MYO3A: variants seen among roughly 807,000 people sequenced by gnomAD.
MYO3A encodes myosin-IIIa.
In MYO3A, 180 loss-of-function variants were observed where a neutral mutation model predicts 192.7. That is an observed-to-expected ratio of 0.93 (90% CI 0.83 to 1.06). The LOEUF (loss-of-function observed/expected upper bound fraction) is 1.06. Ranked by LOEUF, MYO3A falls within the 50% of genes least tolerant of loss-of-function variation. The pLI is 0.00. For missense variants in MYO3A, 1,896 were observed against 1,905.0 expected, an observed-to-expected ratio of 1.00 and a Z score of 0.09; for synonymous variants, 628 against 645.3, an observed-to-expected ratio of 0.97 and a Z score of 0.41.
chr10:26,096,498 C>G lies in MYO3A; in HGVS notation c.1661+19C>G, dbSNP rs369507777. 6.2e-7 allele frequency: 1 copy of G among 1,605,060 alleles called. No homozygotes were observed. Among genetic ancestry groups the G allele is most frequent in the African/African-American group, 1.3e-5 (1 of 74,782 alleles). On this transcript the variant is annotated intron_variant, in intron 16 of 34. Coordinates refer to ENST00000642920, the MANE Select transcript of MYO3A (RefSeq NM_017433.5). ...CTCCCAGGTAATCTACCAGGTTGAGCTTTCATCAATAATACTTTCACTTTT... is the reference window on the plus strand; with the variant it reads ...CTCCCAGGTAATCTACCAGGTTGAGGTTTCATCAATAATACTTTCACTTTT...
intron 4 of MYO3A, among the ~76,000 whole-genome samples, chr10:25,956,780 G>C (rs891462471): frequency 6.6e-6 from 1 of 151,670 alleles, no homozygotes; most frequent in Non-Finnish European, 1.5e-5. Flanking sequence ...ACATTTGCAG[G>C]TTTGTTATAT....
At chr10:26,187,201 T>G (rs978326437) in intron 31 of MYO3A, among the ~76,000 whole-genome samples, 40 of 152,040 alleles carry the variant, frequency 2.6e-4, no homozygotes, top group Non-Finnish European at 7.4e-5. Flanking sequence ...ACCTAAGTCA[T>G]GATCCCCACC....
At chr10:26,028,353 T>A (rs1842654348) in intron 10 of MYO3A, among the ~76,000 whole-genome samples, 2 of 152,248 alleles carry the variant, frequency 1.3e-5, no homozygotes, top group South Asian at 4.1e-4. Context: ...TGGATGATCT[T>A]GGGAGATAAT....
At chr10:26,119,512 G>A (rs899966699) in intron 17 of MYO3A, among the ~76,000 whole-genome samples, 5 of 152,070 alleles carry the variant, frequency 3.3e-5, no homozygotes, top group African/African-American at 4.8e-5. Context: ...TGTATATTAT[G>A]TATGAGTAAA....
intron 1 of MYO3A, among the ~76,000 whole-genome samples, chr10:25,934,989 C>G (rs2130772659): frequency 6.6e-6 from 1 of 152,158 alleles, no homozygotes; most frequent in African/African-American, 2.4e-5. Context: ...GAGGAGGCGC[C>G]GAGTCTGGCG....
At chr10:26,191,154 G>T (rs1251885962) in intron 31 of MYO3A, among the ~76,000 whole-genome samples, 1 of 152,112 alleles carries the variant, frequency 6.6e-6, no homozygotes, top group African/African-American at 2.4e-5. Context: ...AGATTCAAAT[G>T]AGTAATATAA....
At chr10:26,001,831 TA>T (rs1395955973) in intron 6 of MYO3A, among the ~76,000 whole-genome samples, 2 of 152,054 alleles carry the variant, frequency 1.3e-5, no homozygotes, top group Non-Finnish European at 2.9e-5. Flanking sequence ...AAACTTATTT[TA>T]AAAAATTAGT....
chr10:26,020,829 T>C (rs984023062), intron 7 of MYO3A, among the ~76,000 whole-genome samples: 2 of 152,224 alleles, frequency 1.3e-5, no homozygotes, highest in African/African-American at 4.8e-5. Flanking sequence ...ATTCCTCTTT[T>C]TTCCTTGACT....
Position 26,212,017 on chromosome 10 carries a change from C to G in MYO3A, c.*54C>G. ...GAAGGCGCTGGAGCCTGCGGGGCAG[C>G]AGGGGCCAAGCAGGCACTCTGGGGC... On this transcript the variant is annotated 3_prime_UTR_variant, in exon 35 of 35. Coordinates refer to ENST00000642920, the MANE Select transcript of MYO3A (RefSeq NM_017433.5). 3 of 1,592,226 alleles carry G rather than the reference C, an allele frequency of 1.9e-6. No homozygotes were observed. Among genetic ancestry groups the G allele is most frequent in the Non-Finnish European group, 2.6e-6 (3 of 1,166,350 alleles).
intron 33 of MYO3A, among the ~76,000 whole-genome samples, chr10:26,201,627 C>A (rs11014995): frequency 0.3 from 44,544 of 150,572 alleles, 9,894 homozygotes; most frequent in African/African-American, 0.62. Context: ...CGGAGCTTGC[C>A]GTGAGCCGAG....
At chr10:26,162,553 T>A (rs1428573032) in intron 26 of MYO3A, among the ~76,000 whole-genome samples, 1 of 152,258 alleles carries the variant, frequency 6.6e-6, no homozygotes, top group Non-Finnish European at 1.5e-5. Context: ...TATTTCTTGA[T>A]TCTTATGATT....
At position 26,125,484 on chromosome 10, in the gene MYO3A, C is replaced by T. The variant is rs370314254; in HGVS notation, c.1990C>T (p.Arg664Ter). ...GGTCACTAGAGGAGAAACAATTATACGACCCAATACTGTAGAAAAAGCTAC... is the reference window on the plus strand; with the variant it reads ...GGTCACTAGAGGAGAAACAATTATATGACCCAATACTGTAGAAAAAGCTAC... ...CVVTRGETII[R>*]PNTVEKATDV... is the part of the protein sequence containing the mutation. The change falls in exon 19 of 35, where the codon CGA becomes TGA. Residue 664 changes from arginine to a stop codon, truncating the protein, a stop_gained. Transcript: ENST00000642920. LOFTEE classifies it high-confidence loss of function. 5.0e-6 allele frequency: 8 copies of T among 1,613,866 alleles called. No individual in the cohort carries two copies. The highest frequency in any genetic ancestry group is 2.2e-5 in the South Asian group (2 of 91,090).
intron 10 of MYO3A, among the ~76,000 whole-genome samples, chr10:26,046,933 A>C (rs1460589201): frequency 6.6e-6 from 1 of 152,224 alleles, no homozygotes; most frequent in Non-Finnish European, 1.5e-5. Flanking sequence ...GAACACTTAA[A>C]TTTTATCAGC....
At chr10:25,992,273 G>A (rs1482706560) in intron 4 of MYO3A, among the ~76,000 whole-genome samples, 2 of 152,240 alleles carry the variant, frequency 1.3e-5, no homozygotes, top group East Asian at 1.9e-4. Context: ...TCTCTTTGAA[G>A]CAATTGTGAA....
At chr10:25,972,288 A>G (rs760991070) in intron 4 of MYO3A, among the ~76,000 whole-genome samples, 4 of 151,906 alleles carry the variant, frequency 2.6e-5, no homozygotes, top group Non-Finnish European at 5.9e-5. Context: ...TTTATGAATG[A>G]TGAGTGTTCT....
chr10:25,956,069 G>A (rs570035985), intron 4 of MYO3A, among the ~76,000 whole-genome samples: 11 of 152,228 alleles, frequency 7.2e-5, no homozygotes, highest in African/African-American at 2.4e-4. Context: ...GAGAAGAAAC[G>A]CTGTGTTCTC....
intron 18 of MYO3A, among the ~76,000 whole-genome samples, chr10:26,124,530 C>T (rs981430099): frequency 2.6e-5 from 4 of 152,086 alleles, no homozygotes; most frequent in Non-Finnish European, 5.9e-5. Context: ...ATGAGCCTAT[C>T]GTACTTCCAC....
intron 4 of MYO3A, 53 bp from the exon 5 acceptor site, chr10:25,996,437 G>A (rs1159207113): frequency 8.8e-6 from 13 of 1,482,084 alleles, no homozygotes; most frequent in South Asian, 2.3e-5. Context: ...TTTCTAGAAA[G>A]AACATAAAAT....
intron 4 of MYO3A, among the ~76,000 whole-genome samples, chr10:25,966,586 A>G (rs1160012415): frequency 6.6e-6 from 1 of 152,212 alleles, no homozygotes; most frequent in Non-Finnish European, 1.5e-5. Flanking sequence ...ACAAAAAAAA[A>G]CTGAACAGTT....
Sources: gnomAD v4.1 joint callset for allele counts (sites outside exome capture counted in the v4.1 genomes callset) on GRCh38, gnomAD v4.1.1 for gene constraint, MANE v1.5 for transcripts, NCBI Gene and HGNC (gene_info 2026-07-23, HGNC 2026-07-21) for gene names.